The following HMCN1 variants were observed in gnomAD, a reference collection of about 807,000 sequenced individuals.
HMCN1 encodes the protein hemicentin 1.
In HMCN1, 321 loss-of-function variants were observed where a neutral mutation model predicts 625.9. The observed-to-expected ratio is 0.51, with a 90% CI of 0.47 to 0.56. The LOEUF (loss-of-function observed/expected upper bound fraction) is 0.56, where lower values mean the gene tolerates loss of function less well. Ranked by LOEUF, HMCN1 falls within the 20% of genes least tolerant of loss-of-function variation. The pLI, the probability that HMCN1 is intolerant of heterozygous loss-of-function variation, is 0.00. For missense variants in HMCN1, 6,588 were observed against 6,887.3 expected (o/e 0.96, Z 1.54); for synonymous variants, 2,425 against 2,417.6 (o/e 1.00, Z -0.09).
In HMCN1 at chr1:185,928,651, A is replaced by G. The variant is rs1333880485; in HGVS notation, c.1536A>G (p.Thr512=). The change falls in exon 10 of 107, where the codon ACA becomes ACG. Residue 512 remains threonine (T), a synonymous_variant. Transcript: ENST00000271588. ...VSSAGTGRAQ[T]FFDVSEPPPV... ...GTGCAGGTACTGGACGGGCACAGAC[A>G]TTTTTTGACGTATCAGGTAATTACC... 3 of 1,613,358 alleles carry G rather than the reference A, an allele frequency of 1.9e-6. No individual in the cohort carries two copies. Among genetic ancestry groups the G allele is most frequent in the Non-Finnish European group, 2.5e-6 (3 of 1,179,484 alleles).
intron 95 of HMCN1, 37 bp from the exon 96 acceptor site, chr1:186,152,711 ATT>A: frequency 6.2e-7 from 1 of 1,612,460 alleles, no homozygotes; most frequent in South Asian, 1.1e-5. Flanking sequence ...CAGAAACCAT[ATT>A]TTTTTGCTGT....
intron 55 of HMCN1, among the ~76,000 whole-genome samples, chr1:186,079,545 AT>A (rs939833032): frequency 6.6e-6 from 1 of 152,152 alleles, no homozygotes; most frequent in African/African-American, 2.4e-5. Context: ...GTGCCTGCGC[AT>A]CAATCCCACT....
At chr1:186,065,521 C>T (rs749744425) in intron 49 of HMCN1, 92 bp downstream of exon 49, 75 of 906,400 alleles carry the variant, frequency 8.3e-5, no homozygotes, top group South Asian at 8.1e-5. Context: ...ATGTTTCCGT[C>T]GTAGAATTTC....
chr1:186,029,739 T>C (rs1450053137), intron 36 of HMCN1, among the ~76,000 whole-genome samples: 1 of 151,918 alleles, frequency 6.6e-6, no homozygotes, highest in Non-Finnish European at 1.5e-5. Flanking sequence ...GTATATACTC[T>C]AATTTTTTTT....
chr1:185,921,007 C>T (rs952089901), intron 6 of HMCN1, among the ~76,000 whole-genome samples: 3 of 152,072 alleles, frequency 2.0e-5, no homozygotes, highest in Non-Finnish European at 2.9e-5. Flanking sequence ...ATTAGAATTA[C>T]CAAAGTTTTA....
In HMCN1 at chr1:186,088,209, A is replaced by G. The variant is rs770099100; in HGVS notation, c.9510A>G (p.Thr3170=). The G allele has an allele frequency of 1.2e-5, 19 of 1,612,840 alleles. No individual in the cohort carries two copies. The highest frequency in any genetic ancestry group is 1.6e-4 in the Middle Eastern group (1 of 6,080). Residue 3170 remains threonine, a synonymous_variant, in exon 62 of 107, where the codon ACA becomes ACG. Coordinates refer to ENST00000271588, the MANE Select transcript of HMCN1 (RefSeq NM_031935.3). Reference sequence around the variant, plus strand: ...TGGAGACGATCAGCAATCCTGTGACATTAACATGTGATGCCACTGGGATCC... The same window carrying G: ...TGGAGACGATCAGCAATCCTGTGACGTTAACATGTGATGCCACTGGGATCC... ...VIVETISNPV[T]LTCDATGIPP...
chr1:185,743,989 T>G (rs990005492), intron 1 of HMCN1, among the ~76,000 whole-genome samples: 609 of 138,238 alleles, frequency 4.4e-3, no homozygotes, highest in African/African-American at 0.012. Context: ...TTTGTTTTTT[T>G]TTTTTTTTTT....
intron 1 of HMCN1, among the ~76,000 whole-genome samples, chr1:185,840,571 C>T (rs1419028296): frequency 6.6e-6 from 1 of 152,144 alleles, no homozygotes; most frequent in Non-Finnish European, 1.5e-5. Flanking sequence ...TCTTACAGCT[C>T]ATGGATCTCA....
Position 186,016,221 on chromosome 1 carries a change from T to C in HMCN1, c.5173T>C (p.Tyr1725His). 3.1e-6 allele frequency: 5 copies of C among 1,612,958 alleles called. No homozygotes were observed. The highest frequency in any genetic ancestry group is 4.2e-6 in the Non-Finnish European group (5 of 1,179,216). The change falls in exon 32 of 107, where the codon TAT becomes CAT. Residue 1725 changes from tyrosine to histidine, a missense_variant. Tyr to His is a moderately conservative substitution (Grantham distance 83). Transcript: ENST00000271588. Reference protein sequence around the residue: ...TSVAGEKEIKYEVDVLVPPAI... With the variant: ...TSVAGEKEIKHEVDVLVPPAI... Reference sequence around the variant, plus strand: ...TGTGGCAGGAGAAAAGGAAATCAAATATGAAGTTGATGTCTTGGGTAAATA... The same window carrying C: ...TGTGGCAGGAGAAAAGGAAATCAAACATGAAGTTGATGTCTTGGGTAAATA...
At chr1:185,979,695 T>G (rs905733051) in intron 16 of HMCN1, among the ~76,000 whole-genome samples, 2 of 152,180 alleles carry the variant, frequency 1.3e-5, no homozygotes, top group Non-Finnish European at 2.9e-5. Flanking sequence ...GATGCTACCT[T>G]AATTTACCAG....
chr1:186,131,941 T>A (rs183366282), intron 85 of HMCN1, among the ~76,000 whole-genome samples: 93 of 152,312 alleles, frequency 6.1e-4, no homozygotes, highest in Middle Eastern at 3.4e-3. Context: ...TTTGTTAATT[T>A]GTCCTGATTA....
intron 89 of HMCN1, among the ~76,000 whole-genome samples, chr1:186,141,787 G>A (rs1056411727): frequency 6.6e-5 from 10 of 152,132 alleles, no homozygotes; most frequent in African/African-American, 2.4e-4. Flanking sequence ...TGCAGATGAT[G>A]AAACTAGGCA....
At chr1:185,985,652 C>T (rs763562674) in intron 19 of HMCN1, among the ~76,000 whole-genome samples, 1 of 152,114 alleles carries the variant, frequency 6.6e-6, no homozygotes, top group Non-Finnish European at 1.5e-5. Context: ...CTAATTTAGT[C>T]AATGGAGTTA....
Position 186,087,612 on chromosome 1 carries a change from T to C in HMCN1, c.9330T>C (p.Ala3110=), listed in dbSNP as rs1436075262. 6.2e-7 allele frequency: 1 copy of C among 1,613,310 alleles called. No homozygotes were observed. Among genetic ancestry groups the C allele is most frequent in the South Asian group, 1.1e-5 (1 of 91,076 alleles). Reference sequence around the variant, plus strand: ...AGTCTACTCATGTGGAGATTTTAGCTGATGGACAAATGCTACACATTAAGA... The same window carrying C: ...AGTCTACTCATGTGGAGATTTTAGCCGATGGACAAATGCTACACATTAAGA... The part of the protein sequence containing the change: ...ITESTHVEIL[A]DGQMLHIKKA... The change falls in exon 60 of 107, where the codon GCT becomes GCC. Residue 3110 remains alanine, a synonymous_variant. Coordinates refer to ENST00000271588, the MANE Select transcript of HMCN1 (RefSeq NM_031935.3).
chr1:185,980,487 G>A (rs1048365859), intron 16 of HMCN1, among the ~76,000 whole-genome samples: 5 of 152,122 alleles, frequency 3.3e-5, no homozygotes, highest in African/African-American at 1.2e-4. Flanking sequence ...GTTTCTTTGC[G>A]AATCTGGCCC....
rs1307878609 is a variant in HMCN1 at position 186,118,160 on chromosome 1, A to T, written c.11848+537A>T. 2.6e-5 allele frequency among the ~76,000 whole-genome samples: 4 copies of T among 152,164 alleles called. No individual in the cohort carries two copies. The South Asian group carries it at 6.2e-4, about 24-fold the overall frequency. ...GTAGTAACCCTCATTTATACAATTT[A>T]TAGTATTGAAGAAAAAAAAATCACC... On this transcript the variant is annotated intron_variant, in intron 77 of 106. Transcript: ENST00000271588.
In HMCN1 at chr1:186,113,995, G is replaced by C; in HGVS notation, c.11148G>C (p.Lys3716Asn). The change falls in exon 73 of 107, where the codon AAG (lysine) becomes AAC (asparagine). Residue 3716 changes from lysine to asparagine, a missense_variant. Around this residue, in one of 3 missense-constraint regions of HMCN1, gnomAD observed 4,628 missense variants for 4,853.1 expected, o/e 0.95. Transcript: ENST00000271588. ...ILTVNVPPNI[K>N]GGPQSLVILL... Reference sequence around the variant, plus strand: ...CTTGTTCAGTTCCTCCAAACATAAAGGGGGGCCCCCAGAGCCTTGTAATTC... The same window carrying C: ...CTTGTTCAGTTCCTCCAAACATAAACGGGGGCCCCCAGAGCCTTGTAATTC... The C allele has an allele frequency of 6.2e-7, 1 of 1,613,942 alleles. No homozygotes were observed. The highest frequency in any genetic ancestry group is 8.5e-7 in the Non-Finnish European group (1 of 1,179,922).
chr1:186,073,712 A>G (rs1658613351), intron 52 of HMCN1, among the ~76,000 whole-genome samples: 3 of 152,066 alleles, frequency 2.0e-5, no homozygotes, highest in Admixed American at 2.0e-4. Context: ...CTGGGTAAGA[A>G]GGGAATAGAA....
At chr1:185,875,890 A>G (rs1663895106) in intron 4 of HMCN1, among the ~76,000 whole-genome samples, 1 of 151,494 alleles carries the variant, frequency 6.6e-6, no homozygotes, top group Middle Eastern at 3.4e-3. Flanking sequence ...AACACCCCTC[A>G]TTTTCTGTCC....
Sources: gnomAD v4.1 joint callset for allele counts (sites outside exome capture counted in the v4.1 genomes callset) on GRCh38, gnomAD v4.1.1 for gene constraint, gnomAD v4.1.1 regional missense constraint, MANE v1.5 for transcripts, NCBI Gene and HGNC (gene_info 2026-07-23, HGNC 2026-07-21) for gene names.